STS: variants seen among roughly 807,000 people sequenced by gnomAD.
STS encodes the protein steroid sulfatase.
STS carries 7 observed loss-of-function variants against 26.8 expected under a neutral mutation model. The observed-to-expected ratio is 0.26, with a 90% CI of 0.15 to 0.49. The LOEUF (loss-of-function observed/expected upper bound fraction) is 0.49. Ranked by LOEUF, STS falls within the 20% of genes least tolerant of loss-of-function variation. The pLI is 0.98. For synonymous variants in STS, 199 were observed against 189.4 expected, an observed-to-expected ratio of 1.05 and a Z score of -0.42; for missense variants, 434 against 465.6, an observed-to-expected ratio of 0.93 and a Z score of 0.63.
At chrX:7,214,987 TATAC>T (rs1569191530) in intron 2 of STS, among the ~76,000 whole-genome samples, 2 of 81,144 alleles carry the variant, frequency 2.5e-5, no homozygotes, top group Non-Finnish European at 4.6e-5. Flanking sequence ...TATACATATA[TATAC>T]GTATATATAC....
intron 1 of STS, among the ~76,000 whole-genome samples, chrX:7,149,575 G>A (rs1932967960): frequency 8.9e-6 from 1 of 112,156 alleles, no homozygotes; most frequent in East Asian, 2.8e-4. Flanking sequence ...GTAGGGACTT[G>A]CGCCTCAAAT....
At chrX:7,251,498 CTCACATGCCAGT>C (rs1463066693) in intron 2 of STS, among the ~76,000 whole-genome samples, 1 of 110,601 alleles carries the variant, frequency 9.0e-6, no homozygotes, top group East Asian at 2.9e-4. Flanking sequence ...TGAGGTCAAG[CTCACATGCCAGT>C]TCACACGCTG....
At chrX:7,339,771 C>T (rs1201800354) in intron 10 of STS, among the ~76,000 whole-genome samples, 1 of 111,394 alleles carries the variant, frequency 9.0e-6, no homozygotes, top group African/African-American at 3.3e-5. Flanking sequence ...CAGTCATTTC[C>T]AACAGTGGAA....
chrX:7,354,013 CCTT>C lies in STS; in HGVS notation c.*3755_*3757del, dbSNP rs1259013545. 8.9e-6 allele frequency: 1 copy of C among 111,882 alleles called. No individual in the cohort carries two copies. The highest frequency in any genetic ancestry group is 1.9e-5 in the Non-Finnish European group (1 of 53,199). The allele number at this position is 111,882 out of a possible 1,213,427, so 9.2% of individuals were successfully genotyped here. Reference sequence around the variant, plus strand: ...GCCAAACTTTAGCCAAGCTCCTCAACCTTCTCCCAGGCCCAATCTGGGCACTTC... The same window carrying C: ...GCCAAACTTTAGCCAAGCTCCTCAACCTCCCAGGCCCAATCTGGGCACTTC... On this transcript the variant is annotated 3_prime_UTR_variant, in exon 11 of 11. Coordinates refer to ENST00000674429, the MANE Select transcript of STS (RefSeq NM_001320752.2).
Position 7,325,781 on chromosome X carries a change from G to T in STS, c.1241+283G>T, listed in dbSNP as rs371500181. Among the ~76,000 whole-genome samples, 14 of 112,249 alleles carry T rather than the reference G, an allele frequency of 1.2e-4. No individual in the cohort carries two copies. In the East Asian group the frequency reaches 3.7e-3, roughly 30 times the overall value. On this transcript the variant is annotated intron_variant, in intron 9 of 10. Transcript: ENST00000674429. ...ATGGGCAGTGTGTAGAAGTAGGATTGGAGGGAAAGGTCTGACCTCATGCTA... is the reference window on the plus strand; with the variant it reads ...ATGGGCAGTGTGTAGAAGTAGGATTTGAGGGAAAGGTCTGACCTCATGCTA...
intron 2 of STS, among the ~76,000 whole-genome samples, chrX:7,203,928 G>C (rs964668250): frequency 9.0e-6 from 1 of 111,110 alleles, no homozygotes; most frequent in Non-Finnish European, 1.9e-5. Context: ...GGGACTACAG[G>C]CGTGTTCTAC....
chrX:7,240,527 GTGTGTGTA>G lies in STS; in HGVS notation c.-4-12667_-4-12660del, dbSNP rs751622418. ...TGTGTGTGTGTGTGTGTGTGTGTGTGTGTGTGTATATATATATATATATATAAAATGGA... is the reference window on the plus strand; with the variant it reads ...TGTGTGTGTGTGTGTGTGTGTGTGTGTATATATATATATATATAAAATGGA... On this transcript the variant is annotated intron_variant, in intron 2 of 10. Transcript: ENST00000674429. Among the ~76,000 whole-genome samples, 311 of 35,329 alleles carry G rather than the reference GTGTGTGTA, an allele frequency of 8.8e-3. 2 individuals are homozygous for G. The highest frequency in any genetic ancestry group is 0.021 in the African/African-American group (257 of 12,106). The allele number at this position is 35,329 out of a possible 115,157, so 30.7% of individuals were successfully genotyped here. A position where few individuals can be genotyped will look rare whatever the true frequency, so the allele number is the denominator to read the frequency against.
At chrX:7,218,114 T>G (rs1921385125) in intron 2 of STS, among the ~76,000 whole-genome samples, 1 of 112,168 alleles carries the variant, frequency 8.9e-6, no homozygotes, top group African/African-American at 3.2e-5. Context: ...GATGAATCTT[T>G]GCAGAACTGG....
intron 2 of STS, among the ~76,000 whole-genome samples, chrX:7,192,544 A>G (rs1933895066): frequency 1.0e-5 from 1 of 98,447 alleles, no homozygotes; most frequent in Middle Eastern, 5.1e-3. Flanking sequence ...AGCCTGGGCT[A>G]CAGAGCAAGA....
intron 8 of STS, among the ~76,000 whole-genome samples, chrX:7,316,328 G>A (rs1328054267): frequency 1.8e-5 from 2 of 111,818 alleles, no homozygotes; most frequent in African/African-American, 6.5e-5. Flanking sequence ...TAGTAAATTA[G>A]AACAGGACTG....
Position 7,349,027 on chromosome X carries a change from G to A in STS, c.1364-861G>A, listed in dbSNP as rs372333525. ...GACGGGGTCTTGCTCTGCCACCCAG[G>A]CTGGAGTGCAGTGGCATGATCATAG... is the stretch of plus-strand genomic sequence containing the variant. On this transcript the variant is annotated intron_variant, in intron 10 of 10. Transcript: ENST00000674429. 2.8e-4 allele frequency among the ~76,000 whole-genome samples: 31 copies of A among 109,714 alleles called. 1 individual carries two copies. The highest frequency in any genetic ancestry group is 1.2e-3 in the Admixed American group (12 of 10,185).
At chrX:7,285,818 A>G (rs1412925765) in intron 7 of STS, among the ~76,000 whole-genome samples, 1 of 112,197 alleles carries the variant, frequency 8.9e-6, no homozygotes, top group East Asian at 2.8e-4. Flanking sequence ...TACAAAAAAA[A>G]TCTGTTGCCA....
chrX:7,348,069 G>T (rs759457634), intron 10 of STS, among the ~76,000 whole-genome samples: 4 of 111,929 alleles, frequency 3.6e-5, no homozygotes, highest in Non-Finnish European at 7.5e-5. Flanking sequence ...CAGATGTCAT[G>T]TCCTGCTCTC....
At chrX:7,196,596 C>T (rs184817426) in intron 2 of STS, among the ~76,000 whole-genome samples, 138 of 112,011 alleles carry the variant, frequency 1.2e-3, no homozygotes, top group African/African-American at 4.3e-3. Context: ...GGGATCCACA[C>T]CACCACCACT....
At chrX:7,203,974 G>A (rs752458975) in intron 2 of STS, among the ~76,000 whole-genome samples, 18 of 110,927 alleles carry the variant, frequency 1.6e-4, no homozygotes, top group African/African-American at 5.9e-4. Flanking sequence ...TTGTAGAGAT[G>A]GGGTCTTGCC....
Position 7,259,640 on chromosome X carries a change from T to C in STS, c.674T>C (p.Phe225Ser), listed in dbSNP as rs768156336. ...CTAGCAGCCCTAATCCTGACCCTTT[T>C]CTTGGGCTTCCTTCATTACTTCCGG... ...LFLAALILTL[F>S]LGFLHYFRPL... Residue 225 changes from phenylalanine (F) to serine (S), a missense_variant, in exon 6 of 11, where the codon TTC becomes TCC. This residue lies in a region of STS where 229 missense variants were observed against 288.3 expected (regional missense o/e 0.79). Transcript: ENST00000674429. The C allele has an allele frequency of 5.0e-6, 6 of 1,209,055 alleles. No individual in the cohort carries two copies. The South Asian group carries it at 1.1e-4, about 21-fold the overall frequency.
chrX:7,244,507 A>G (rs183267087), intron 2 of STS, among the ~76,000 whole-genome samples: 1 of 111,922 alleles, frequency 8.9e-6, no homozygotes, highest in Admixed American at 9.5e-5. Context: ...AATGAATTGC[A>G]ATTCTGTTAT....
At chrX:7,211,809 C>A (rs1921042026) in intron 2 of STS, among the ~76,000 whole-genome samples, 1 of 111,843 alleles carries the variant, frequency 8.9e-6, no homozygotes, top group Non-Finnish European at 1.9e-5. Context: ...AGAGGCACTG[C>A]CTATCTTTCT....
intron 1 of STS, among the ~76,000 whole-genome samples, chrX:7,189,398 A>T (rs1296325801): frequency 8.9e-6 from 1 of 111,755 alleles, no homozygotes; most frequent in Non-Finnish European, 1.9e-5. Flanking sequence ...GTTAGATAGT[A>T]AATAAATATT....
Sources: gnomAD v4.1 joint callset for allele counts (sites outside exome capture counted in the v4.1 genomes callset) on GRCh38, gnomAD v4.1.1 for gene constraint, gnomAD v4.1.1 regional missense constraint, MANE v1.5 for transcripts, NCBI Gene and HGNC (gene_info 2026-07-23, HGNC 2026-07-21) for gene names.